The following HDAC9 variants were observed in gnomAD, a reference collection of about 807,000 sequenced individuals.
HDAC9 encodes the protein histone deacetylase 9, also known as MEF-2 interacting transcription repressor (MITR) protein.
Under a neutral mutation model 139.4 loss-of-function variants are expected in HDAC9, and 41 were observed. That is an observed-to-expected ratio of 0.29 (90% CI 0.23 to 0.38). HDAC9 has a LOEUF of 0.38. Among genes scored for constraint, HDAC9 ranks in the 10% least tolerant of loss-of-function variants. The probability of loss-of-function intolerance (pLI) is 1.00; values close to 1 mark genes in which losing one functional copy is unlikely to be tolerated. For missense variants in HDAC9, 1,147 were observed against 1,297.0 expected (o/e 0.88, Z 1.78); for synonymous variants, 517 against 476.2 (o/e 1.09, Z -1.12).
At chr7:18,852,711 G>C (rs181421279) in intron 21 of HDAC9, among the ~76,000 whole-genome samples, 1 of 152,190 alleles carries the variant, frequency 6.6e-6, no homozygotes, top group Non-Finnish European at 1.5e-5. Context: ...GTAGTGAAGA[G>C]AAACAGACAA....
intron 12 of HDAC9, among the ~76,000 whole-genome samples, chr7:18,684,124 G>T (rs1782085963): frequency 6.6e-6 from 1 of 151,120 alleles, no homozygotes; most frequent in Non-Finnish European, 1.5e-5. Context: ...CATGTGTGAT[G>T]GTGCATGCCT....
chr7:18,957,323 C>G (rs1783222266), intron 24 of HDAC9, among the ~76,000 whole-genome samples: 1 of 152,056 alleles, frequency 6.6e-6, no homozygotes, highest in Non-Finnish European at 1.5e-5. Context: ...GTCCACAGAG[C>G]AATAAAATCG....
intron 2 of HDAC9, chr7:18,162,481 A>C: frequency 1.3e-6 from 1 of 766,034 alleles, no homozygotes. Context: ...TAATGTAACA[A>C]ATTTTGAATT....
chr7:18,694,827 T>A (rs1782924852), intron 12 of HDAC9, among the ~76,000 whole-genome samples: 1 of 152,178 alleles, frequency 6.6e-6, no homozygotes. Flanking sequence ...GAACTTTTTC[T>A]TCAAAGGGAC....
At chr7:18,883,648 C>G (rs1042466899) in intron 22 of HDAC9, among the ~76,000 whole-genome samples, 1 of 151,982 alleles carries the variant, frequency 6.6e-6, no homozygotes, top group Admixed American at 6.6e-5. Flanking sequence ...TGCTCACTCT[C>G]GCCACTTCTA....
intron 12 of HDAC9, among the ~76,000 whole-genome samples, chr7:18,674,126 TC>T (rs1384630562): frequency 6.6e-6 from 1 of 151,980 alleles, no homozygotes; most frequent in Non-Finnish European, 1.5e-5. Context: ...AGGCAGTTGG[TC>T]CTCCTGTTTC....
At chr7:18,808,811 A>C (rs1228997347) in intron 17 of HDAC9, among the ~76,000 whole-genome samples, 2 of 152,142 alleles carry the variant, frequency 1.3e-5, no homozygotes, top group African/African-American at 4.8e-5. Context: ...TGGAACCAAA[A>C]AAGACCCTGA....
intron 1 of HDAC9, among the ~76,000 whole-genome samples, chr7:18,451,647 T>A (rs13308469): frequency 7.9e-5 from 12 of 152,002 alleles, no homozygotes; most frequent in Admixed American, 6.6e-4. Flanking sequence ...ATCCACTGAT[T>A]TATGTGGATA....
chr7:18,645,973 T>C (rs1182718990), intron 9 of HDAC9, among the ~76,000 whole-genome samples: 5 of 152,178 alleles, frequency 3.3e-5, no homozygotes, highest in African/African-American at 1.2e-4. Context: ...GATGTTGTCT[T>C]ATATCTGGGG....
intron 1 of HDAC9, among the ~76,000 whole-genome samples, chr7:18,323,834 T>TA (rs1800227170): frequency 6.6e-6 from 1 of 151,978 alleles, no homozygotes; most frequent in African/African-American, 2.4e-5. Context: ...TTTAACAACA[T>TA]ACAGTTATTC....
intron 17 of HDAC9, among the ~76,000 whole-genome samples, chr7:18,815,711 C>A (rs552912025): frequency 6.6e-6 from 1 of 152,348 alleles, no homozygotes; most frequent in Admixed American, 6.5e-5. Flanking sequence ...GCAGGGCTGG[C>A]AGCTGTGCAT....
intron 8 of HDAC9, among the ~76,000 whole-genome samples, chr7:18,636,090 C>G (rs936971995): frequency 6.6e-6 from 1 of 152,068 alleles, no homozygotes; most frequent in African/African-American, 2.4e-5. Context: ...CAGTTTTGCT[C>G]TAGGCACATT....
chr7:18,806,249 T>G (rs150448661), intron 17 of HDAC9, among the ~76,000 whole-genome samples: 3 of 152,254 alleles, frequency 2.0e-5, no homozygotes, highest in African/African-American at 7.2e-5. Context: ...TACCCCAAAT[T>G]TGGTGGCTTA....
chr7:18,836,817 G>T (rs1184005816), intron 21 of HDAC9, among the ~76,000 whole-genome samples: 2 of 151,948 alleles, frequency 1.3e-5, no homozygotes, highest in Non-Finnish European at 2.9e-5. Flanking sequence ...TTTGGAAGAG[G>T]TTTTAGCCTA....
At chr7:18,803,359 A>C (rs1189281651) in intron 17 of HDAC9, among the ~76,000 whole-genome samples, 2 of 152,168 alleles carry the variant, frequency 1.3e-5, no homozygotes, top group African/African-American at 2.4e-5. Context: ...TGTTTTAACC[A>C]TCAGTGTTTC....
At chr7:18,089,269 TGG>T (rs1266704244) in intron 1 of HDAC9, among the ~76,000 whole-genome samples, 5 of 152,192 alleles carry the variant, frequency 3.3e-5, no homozygotes, top group Non-Finnish European at 7.4e-5. Context: ...CCTGTTGGGC[TGG>T]CCTTTATTGG....
intron 11 of HDAC9, among the ~76,000 whole-genome samples, chr7:18,661,437 AT>A (rs1425871625): frequency 1.3e-5 from 2 of 152,226 alleles, no homozygotes; most frequent in South Asian, 4.1e-4. Context: ...AGAGATTGGA[AT>A]TGCTCCTATT....
intron 12 of HDAC9, among the ~76,000 whole-genome samples, chr7:18,683,287 A>G (rs2129091695): frequency 6.6e-6 from 1 of 152,102 alleles, no homozygotes; most frequent in East Asian, 1.9e-4. Context: ...TTCTAAATGA[A>G]AAAAATAAAA....
chr7:18,829,386 T>A, intron 18 of HDAC9, 75 bp from the exon 19 acceptor site: 3 of 1,249,956 alleles, frequency 2.4e-6, no homozygotes. Flanking sequence ...TTTAAAAAAA[T>A]GCTCTGAACA....
Sources: allele counts gnomAD v4.1 joint callset (sites outside exome capture counted in the v4.1 genomes callset), GRCh38; gene constraint gnomAD v4.1.1; transcripts MANE v1.5; gene names NCBI Gene and HGNC (gene_info 2026-07-23, HGNC 2026-07-21).